Variants in SPIRE2 observed in about 807,000 individuals in gnomAD.
SPIRE2 encodes spire type actin nucleation factor 2.
SPIRE2 carries 76 observed loss-of-function variants against 80.7 expected under a neutral mutation model. The observed-to-expected ratio is 0.94, with a 90% CI of 0.78 to 1.14. The LOEUF is 1.14. Ranked by LOEUF, SPIRE2 falls within the 50% of genes most tolerant of loss-of-function variation. The probability of loss-of-function intolerance (pLI) is 0.00; values close to 1 mark genes in which losing one functional copy is unlikely to be tolerated. For missense variants in SPIRE2, 1,196 were observed against 1,015.3 expected, an observed-to-expected ratio of 1.18 and a Z score of -2.42; for synonymous variants, 535 against 432.6, an observed-to-expected ratio of 1.24 and a Z score of -2.94.
At chr16:89,839,654 C>G (rs151278976) in intron 1 of SPIRE2, among the ~76,000 whole-genome samples, 1 of 152,296 alleles carries the variant, frequency 6.6e-6, no homozygotes, top group South Asian at 2.1e-4. Context: ...TCACAGTCAG[C>G]GTTTAAGCAG....
intron 1 of SPIRE2, among the ~76,000 whole-genome samples, chr16:89,839,417 C>T (rs984648340): frequency 2.0e-5 from 3 of 150,530 alleles, no homozygotes; most frequent in African/African-American, 4.9e-5. Flanking sequence ...GGTGTGTGGC[C>T]GGGTGCCTGT....
chr16:89,869,666 A>G lies in SPIRE2; in HGVS notation c.1906A>G (p.Arg636Gly). 1 of 1,613,796 alleles carries G rather than the reference A, an allele frequency of 6.2e-7. No individual in the cohort carries two copies. The highest frequency in any genetic ancestry group is 8.5e-7 in the Non-Finnish European group (1 of 1,179,698). The change falls in exon 14 of 15, where the codon AGA (arginine) becomes GGA (glycine). Residue 636 changes from arginine to glycine, a missense_variant. Arg to Gly is a moderately radical substitution (Grantham distance 125). Transcript: ENST00000378247. ...VSAAKTAPIQ[R>G]RDIFQSLQGP... ...AGCTGCCAAAACCGCGCCAATCCAG[A>G]GAAGAGACATCTTTCAGTGCGTTCT...
At chr16:89,844,366 G>A (rs933012073) in intron 1 of SPIRE2, among the ~76,000 whole-genome samples, 3 of 151,578 alleles carry the variant, frequency 2.0e-5, no homozygotes, top group African/African-American at 7.3e-5. Flanking sequence ...AGTAGAGATA[G>A]GGTTTCATCA....
Position 89,828,708 on chromosome 16 carries a change from G to T in SPIRE2, c.158G>T (p.Gly53Val). The change falls in exon 1 of 15, where the codon GGC becomes GTC. Residue 53 changes from glycine to valine, a missense_variant. Gly to Val is a moderately radical substitution (Grantham distance 109). Transcript: ENST00000378247. The surrounding 1 kb of genome is among the most constrained non-coding windows in gnomAD (Gnocchi z 5.9). ...TTCCAGGGCTGCCGCGGGCTGCGGG[G>T]CTCGCCGGGCCGGCGCCTGCGGGAT... ...VCFQGCRGLRGSPGRRLRDTG... is the reference protein window; with the variant it reads ...VCFQGCRGLRVSPGRRLRDTG... The T allele has an allele frequency of 1.6e-6, 2 of 1,272,326 alleles. No homozygotes were observed. Among genetic ancestry groups the T allele is most frequent in the Non-Finnish European group, 2.0e-6 (2 of 1,005,586 alleles). 78.8% of individuals were successfully genotyped at this position (1,272,326 alleles called of 1,614,324 possible). A position where few individuals can be genotyped will look rare whatever the true frequency, so the allele number is the denominator to read the frequency against.
chr16:89,858,875 T>A (rs1159786201), intron 8 of SPIRE2, among the ~76,000 whole-genome samples: 2 of 152,156 alleles, frequency 1.3e-5, no homozygotes, highest in East Asian at 3.9e-4. Context: ...AATGGGACGC[T>A]CCTCTCTTCA....
chr16:89,856,070 CA>C (rs771955716), intron 6 of SPIRE2, 42 bp from the exon 7 acceptor site: 1 of 1,590,042 alleles, frequency 6.3e-7, no homozygotes, highest in South Asian at 1.1e-5. Context: ...TTCCCCACCG[CA>C]GGTCCTGCTT....
At position 89,843,667 on chromosome 16, in the gene SPIRE2, G is replaced by GT. The variant is rs746543138; in HGVS notation, c.245-1642dup. On this transcript the variant is annotated intron_variant, in intron 1 of 14. Coordinates refer to ENST00000378247, the MANE Select transcript of SPIRE2 (RefSeq NM_032451.2). ...GATGGAGCTGCTGCCTTGCTGCCAC[G>GT]TTTTTTTTTTTTTGTTTGTTTTTGT... Among the ~76,000 whole-genome samples, 400 of 60,394 alleles carry GT rather than the reference G, an allele frequency of 6.6e-3. 9 individuals carry two copies. Among genetic ancestry groups the GT allele is most frequent in the Non-Finnish European group, 8.9e-3 (316 of 35,598 alleles). 39.6% of individuals were successfully genotyped at this position (60,394 alleles called of 152,430 possible).
intron 1 of SPIRE2, among the ~76,000 whole-genome samples, chr16:89,839,010 G>A (rs1442694981): frequency 2.0e-5 from 3 of 149,630 alleles, no homozygotes; most frequent in African/African-American, 4.9e-5. Context: ...GATTACAGAC[G>A]TGTCTCAAGT....
At position 89,828,830 on chromosome 16, in the gene SPIRE2, G is replaced by T; in HGVS notation, c.244+36G>T. The T allele has an allele frequency of 8.5e-7, 1 of 1,171,446 alleles. No homozygotes were observed. Among genetic ancestry groups the T allele is most frequent in the East Asian group, 3.9e-5 (1 of 25,950 alleles). The allele number at this position is 1,171,446 out of a possible 1,614,324, so 72.6% of individuals were successfully genotyped here. On this transcript the variant is annotated intron_variant, in intron 1 of 14. Coordinates refer to ENST00000378247, the MANE Select transcript of SPIRE2 (RefSeq NM_032451.2). This position sits in a 1 kb window ranked among gnomAD's most constrained non-coding sequence, Gnocchi z 5.9. Reference sequence around the variant, plus strand: ...GGGCGGGGCAGCCGGCGGGGACCGCGGTCTGGGGCGTCCGTCCCGCCCCCT... The same window carrying T: ...GGGCGGGGCAGCCGGCGGGGACCGCTGTCTGGGGCGTCCGTCCCGCCCCCT...
chr16:89,864,436 C>CTGTG (rs1263110999), intron 12 of SPIRE2, among the ~76,000 whole-genome samples: 1 of 152,210 alleles, frequency 6.6e-6, no homozygotes, highest in African/African-American at 2.4e-5. Flanking sequence ...CGGGCCAAAT[C>CTGTG]TGGTCCTCGG....
Position 89,858,337 on chromosome 16 carries a change from G to C in SPIRE2, c.1103-1G>C. 1 of 1,591,836 alleles carries C rather than the reference G, an allele frequency of 6.3e-7. No homozygotes were observed. Among genetic ancestry groups the C allele is most frequent in the Non-Finnish European group, 8.6e-7 (1 of 1,169,352 alleles). Reference sequence around the variant, plus strand: ...TCCTGCCTCGGCTCCCGTCTCCCCAGGGTTTGGCTCTCTGCCCTGCATCCT... The same window carrying C: ...TCCTGCCTCGGCTCCCGTCTCCCCACGGTTTGGCTCTCTGCCCTGCATCCT... On this transcript the variant is annotated splice_acceptor_variant, in intron 7 of 14. Transcript: ENST00000378247. LOFTEE classifies it high-confidence loss of function.
intron 1 of SPIRE2, among the ~76,000 whole-genome samples, chr16:89,841,562 C>T (rs1006424605): frequency 6.6e-6 from 1 of 152,118 alleles, no homozygotes; most frequent in Non-Finnish European, 1.5e-5. Flanking sequence ...GCTCGGTGGC[C>T]CAGCTGCCCC....
At chr16:89,857,136 CT>C (rs59968762) in intron 7 of SPIRE2, among the ~76,000 whole-genome samples, 5,646 of 122,810 alleles carry the variant, frequency 0.046, 324 homozygotes, top group African/African-American at 0.16. Context: ...TTTCCTATAT[CT>C]TTTTTTTTTT....
At chr16:89,834,745 C>T (rs1598216334) in intron 1 of SPIRE2, among the ~76,000 whole-genome samples, 2 of 101,338 alleles carry the variant, frequency 2.0e-5, no homozygotes, top group African/African-American at 7.3e-5. Flanking sequence ...TGAACCTGCC[C>T]GCACTCGCGG....
intron 6 of SPIRE2, 152 bp downstream of exon 6, chr16:89,855,838 C>G: frequency 1.1e-6 from 1 of 928,980 alleles, no homozygotes; most frequent in Non-Finnish European, 1.6e-6. Flanking sequence ...CTGGCTTCCT[C>G]TTGCCTGTGT....
At chr16:89,839,129 C>A (rs2041479137) in intron 1 of SPIRE2, among the ~76,000 whole-genome samples, 1 of 152,086 alleles carries the variant, frequency 6.6e-6, no homozygotes, top group Non-Finnish European at 1.5e-5. Context: ...ATCACGAGGT[C>A]AGGAGATCGA....
intron 1 of SPIRE2, among the ~76,000 whole-genome samples, chr16:89,839,373 CAAA>C (rs537824236): frequency 8.1e-6 from 1 of 123,554 alleles, no homozygotes; most frequent in South Asian, 2.7e-4. Flanking sequence ...GACTCCATCT[CAAA>C]AAAAAAAAAA....
In SPIRE2 at chr16:89,868,089, T is replaced by A. The variant is rs1037671870; in HGVS notation, c.1779-100T>A. 7 of 1,279,358 alleles carry A rather than the reference T, an allele frequency of 5.5e-6. No homozygotes were observed. In the African/African-American group the frequency reaches 8.8e-5, roughly 16 times the overall value. 79.3% of individuals were successfully genotyped at this position (1,279,358 alleles called of 1,614,324 possible). A position where few individuals can be genotyped will look rare whatever the true frequency, so the allele number is the denominator to read the frequency against. ...CCAAGCATCAGGCAGAAGGCAAGGA[T>A]GGTTTGACCTCGGATGCGTGGAGGC... is the stretch of plus-strand genomic sequence containing the variant. On this transcript the variant is annotated intron_variant, in intron 12 of 14. Coordinates refer to ENST00000378247, the MANE Select transcript of SPIRE2 (RefSeq NM_032451.2).
intron 8 of SPIRE2, 64 bp downstream of exon 8, chr16:89,858,571 A>C: frequency 1.4e-6 from 2 of 1,453,360 alleles, no homozygotes; most frequent in Non-Finnish European, 1.8e-6. Context: ...CAAGGAAGTG[A>C]GAAGGGCTAA....
Sources: allele counts gnomAD v4.1 joint callset (sites outside exome capture counted in the v4.1 genomes callset), GRCh38; gene constraint gnomAD v4.1.1; non-coding constraint Gnocchi (gnomAD v3.1); transcripts MANE v1.5; gene names NCBI Gene and HGNC (gene_info 2026-07-23, HGNC 2026-07-21).